CA10: variants seen among roughly 807,000 people sequenced by gnomAD.
CA10 encodes the protein carbonic anhydrase 10 (inactive).
A neutral mutation model predicts 44.2 loss-of-function variants in CA10; 14 were observed. The ratio of observed to expected loss-of-function variants is 0.32; its 90% confidence interval spans 0.21 to 0.50. The LOEUF (loss-of-function observed/expected upper bound fraction) is 0.50. Among genes scored for constraint, CA10 ranks in the 20% least tolerant of loss-of-function variants. The pLI is 0.99. For missense variants in CA10, 350 were observed against 409.7 expected (o/e 0.85, Z 1.26); for synonymous variants, 159 against 141.6 (o/e 1.12, Z -0.87).
At chr17:51,852,153 T>C (rs932512896) in intron 3 of CA10, among the ~76,000 whole-genome samples, 11 of 152,170 alleles carry the variant, frequency 7.2e-5, no homozygotes, top group African/African-American at 2.7e-4. Context: ...AGTGTTAGAA[T>C]CAGGGCAGAA....
Position 52,078,028 on chromosome 17 carries a change from C to T in CA10, c.62-5635G>A, listed in dbSNP as rs140591164. Among the ~76,000 whole-genome samples, 191 of 152,338 alleles carry T rather than the reference C, an allele frequency of 1.3e-3. 5 individuals carry two copies. In the South Asian group the frequency reaches 0.024, roughly 19 times the overall value. ...ACCCACTGACCACAAATACAGGCATCACACCAACAAGTCTTTGGATCCAGA... is the reference window on the plus strand; with the variant it reads ...ACCCACTGACCACAAATACAGGCATTACACCAACAAGTCTTTGGATCCAGA... On this transcript the variant is annotated intron_variant, in intron 1 of 8. Coordinates refer to ENST00000451037, the MANE Select transcript of CA10 (RefSeq NM_020178.5).
intron 4 of CA10, among the ~76,000 whole-genome samples, chr17:51,727,744 AT>A (rs1916575852): frequency 6.6e-6 from 1 of 152,188 alleles, no homozygotes; most frequent in African/African-American, 2.4e-5. Context: ...CATCCTATTT[AT>A]TTATCAAATA....
At chr17:51,696,006 G>A (rs979183282) in intron 4 of CA10, among the ~76,000 whole-genome samples, 1 of 152,174 alleles carries the variant, frequency 6.6e-6, no homozygotes, top group African/African-American at 2.4e-5. Flanking sequence ...TGCATCCCAG[G>A]AAGGAAGCCT....
At chr17:51,950,062 C>T (rs1433586175) in intron 2 of CA10, among the ~76,000 whole-genome samples, 3 of 152,140 alleles carry the variant, frequency 2.0e-5, no homozygotes, top group Non-Finnish European at 4.4e-5. Context: ...TATCAGCCAG[C>T]ACCCTCTCAT....
rs114089675 is a variant in CA10, at chr17:51,694,805, T to A, written c.466-41069A>T. Among the ~76,000 whole-genome samples, 749 of 152,320 alleles carry A rather than the reference T, an allele frequency of 4.9e-3. 9 individuals carry two copies. Among genetic ancestry groups the A allele is most frequent in the African/African-American group, 0.017 (711 of 41,568 alleles). On this transcript the variant is annotated intron_variant, in intron 4 of 8. Coordinates refer to ENST00000451037, the MANE Select transcript of CA10 (RefSeq NM_020178.5). ...GTTTGAGGTCTTACATTTACATCAT[T>A]AATATATCTTGAGTGAGTTGACTTT...
chr17:51,815,127 C>T (rs1445895840), intron 3 of CA10, among the ~76,000 whole-genome samples: 1 of 151,864 alleles, frequency 6.6e-6, no homozygotes, highest in Non-Finnish European at 1.5e-5. Context: ...TGCCTGGGGA[C>T]GTTTGAAAGT....
At chr17:51,694,661 G>T (rs1177850603) in intron 4 of CA10, among the ~76,000 whole-genome samples, 2 of 151,850 alleles carry the variant, frequency 1.3e-5, no homozygotes, top group South Asian at 2.1e-4. Context: ...AGTTTAATTC[G>T]GTCCCACTTG....
At chr17:51,820,589 G>A (rs1372251782) in intron 3 of CA10, among the ~76,000 whole-genome samples, 2 of 151,840 alleles carry the variant, frequency 1.3e-5, no homozygotes, top group African/African-American at 4.9e-5. Flanking sequence ...ACTTATACCT[G>A]AAGACTACTT....
intron 4 of CA10, among the ~76,000 whole-genome samples, chr17:51,666,454 G>A (rs1302935451): frequency 1.3e-5 from 2 of 152,172 alleles, no homozygotes; most frequent in Non-Finnish European, 2.9e-5. Flanking sequence ...ATGACAGCAG[G>A]TTTGTTTCTG....
intron 2 of CA10, among the ~76,000 whole-genome samples, chr17:52,050,923 A>C (rs1192772635): frequency 2.0e-5 from 3 of 151,940 alleles, no homozygotes; most frequent in African/African-American, 4.8e-5. Context: ...GTTCACTGCT[A>C]TACACCCAGA....
At chr17:52,023,667 A>T (rs1183909387) in intron 2 of CA10, among the ~76,000 whole-genome samples, 2 of 147,880 alleles carry the variant, frequency 1.4e-5, no homozygotes, top group East Asian at 2.1e-4. Context: ...AGAAACTGTC[A>T]ACAAAGTAAA....
At chr17:51,745,411 C>T (rs1210095096) in intron 4 of CA10, among the ~76,000 whole-genome samples, 1 of 152,192 alleles carries the variant, frequency 6.6e-6, no homozygotes, top group Non-Finnish European at 1.5e-5. Context: ...TGCTTACATG[C>T]TTTCTTCACT....
chr17:51,706,798 G>C (rs934064346), intron 4 of CA10, among the ~76,000 whole-genome samples: 14 of 152,074 alleles, frequency 9.2e-5, no homozygotes, highest in African/African-American at 2.7e-4. Context: ...CCACACACCA[G>C]GCACACTCCT....
intron 1 of CA10, among the ~76,000 whole-genome samples, chr17:52,079,738 C>T (rs1480465493): frequency 1.3e-5 from 2 of 152,124 alleles, no homozygotes; most frequent in African/African-American, 4.8e-5. Flanking sequence ...GAGCTGACAC[C>T]CTGCCTAGGG....
chr17:51,838,734 TC>T, intron 3 of CA10, among the ~76,000 whole-genome samples: 1 of 152,312 alleles, frequency 6.6e-6, no homozygotes, highest in East Asian at 1.9e-4. Flanking sequence ...CCTGTACTTC[TC>T]AAACACAAAG....
intron 3 of CA10, among the ~76,000 whole-genome samples, chr17:51,884,431 C>A (rs12149983): frequency 0.066 from 10,049 of 152,178 alleles, 651 homozygotes; most frequent in African/African-American, 0.17. Flanking sequence ...GTCTTGAGAT[C>A]TTTGCATCTG....
chr17:52,015,098 G>C (rs1039851638), intron 2 of CA10, among the ~76,000 whole-genome samples: 2 of 152,060 alleles, frequency 1.3e-5, no homozygotes, highest in Non-Finnish European at 2.9e-5. Context: ...AAAAGGTGAT[G>C]TACTAACGTC....
intron 2 of CA10, among the ~76,000 whole-genome samples, chr17:51,973,317 G>C (rs1218749403): frequency 1.3e-5 from 2 of 152,184 alleles, no homozygotes; most frequent in Non-Finnish European, 2.9e-5. Flanking sequence ...TTCTCAGCTG[G>C]ATGAAGGAAA....
intron 2 of CA10, among the ~76,000 whole-genome samples, chr17:52,021,992 A>G (rs556171812): frequency 9.9e-5 from 15 of 152,240 alleles, no homozygotes; most frequent in African/African-American, 2.9e-4. Context: ...AAGAGCTGGT[A>G]CCAATCCTTA....
Sources: gnomAD v4.1 joint callset for allele counts (sites outside exome capture counted in the v4.1 genomes callset) on GRCh38, gnomAD v4.1.1 for gene constraint, MANE v1.5 for transcripts, NCBI Gene and HGNC (gene_info 2026-07-23, HGNC 2026-07-21) for gene names.